The following PRSS23 variants were observed in gnomAD, a reference collection of about 807,000 sequenced individuals.
The protein encoded by PRSS23 is serine protease 23, also known as protease, serine 23.
A neutral mutation model predicts 34.7 loss-of-function variants in PRSS23; 25 were observed. The ratio of observed to expected loss-of-function variants is 0.72; its 90% CI spans 0.53 to 1.01. The LOEUF is 1.01. Ranked by LOEUF, PRSS23 falls within the 50% of genes least tolerant of loss-of-function variation. The pLI, the probability that PRSS23 is intolerant of heterozygous loss-of-function variation, is 0.00. For synonymous variants in PRSS23, 176 were observed against 186.6 expected (o/e 0.94, Z 0.46); for missense variants, 445 against 475.6 (o/e 0.94, Z 0.60).
At chr11:86,912,855 T>G (rs1948986607) in intron 2 of PRSS23, among the ~76,000 whole-genome samples, 1 of 152,222 alleles carries the variant, frequency 6.6e-6, no homozygotes, top group Non-Finnish European at 1.5e-5. Context: ...TTGGACATTG[T>G]GAGTGATATG....
intron 2 of PRSS23, among the ~76,000 whole-genome samples, chr11:86,853,124 G>C (rs879650236): frequency 3.4e-4 from 51 of 151,742 alleles, no homozygotes; most frequent in Non-Finnish European, 6.9e-4. Context: ...AAAGTACTGG[G>C]GTTACAGGTG....
chr11:86,801,569 G>A (rs1330385983), intron 1 of PRSS23, among the ~76,000 whole-genome samples: 1 of 152,216 alleles, frequency 6.6e-6, no homozygotes, highest in Non-Finnish European at 1.5e-5. Flanking sequence ...GGAACAGGTA[G>A]GCCAGTGCCA....
chr11:86,859,876 G>C (rs1948600786), intron 2 of PRSS23, among the ~76,000 whole-genome samples: 1 of 151,886 alleles, frequency 6.6e-6, no homozygotes, highest in African/African-American at 2.4e-5. Context: ...AATATCCATG[G>C]GGGAGAGGAT....
At chr11:86,796,946 C>T (rs185672042), upstream of PRSS23, among the ~76,000 whole-genome samples, 49 of 152,376 alleles carry the variant, frequency 3.2e-4, 2 homozygotes, top group African/African-American at 1.0e-3. Context: ...TGTTCTCTAG[C>T]TCATGTCTGT....
chr11:86,837,706 A>C (rs1477704658), intron 2 of PRSS23: 3 of 152,242 alleles, frequency 2.0e-5, no homozygotes, highest in Non-Finnish European at 4.4e-5. Flanking sequence ...TGCAGAGGCT[A>C]CAGTGAGCCA....
downstream of PRSS23, among the ~76,000 whole-genome samples, chr11:86,814,660 T>C (rs1948202929): frequency 6.6e-6 from 1 of 152,218 alleles, no homozygotes; most frequent in Non-Finnish European, 1.5e-5. Flanking sequence ...TGTGTGTCTC[T>C]GTGCACCCAC....
chr11:86,847,209 G>A (rs746994908), intron 2 of PRSS23, among the ~76,000 whole-genome samples: 27 of 152,134 alleles, frequency 1.8e-4, no homozygotes, highest in South Asian at 4.1e-4. Flanking sequence ...CCCCCTTTAA[G>A]CTTACTAAGC....
chr11:86,815,203 G>C (rs780816361), downstream of PRSS23, among the ~76,000 whole-genome samples: 1 of 152,200 alleles, frequency 6.6e-6, no homozygotes, highest in Non-Finnish European at 1.5e-5. Flanking sequence ...TCTCAGGATG[G>C]CCTTCCCTGG....
At chr11:86,824,118 G>A (rs1948277699) in intron 2 of PRSS23, among the ~76,000 whole-genome samples, 2 of 151,044 alleles carry the variant, frequency 1.3e-5, no homozygotes, top group African/African-American at 4.9e-5. Flanking sequence ...ATTCAGCCTG[G>A]GCAACATAGT....
intron 2 of PRSS23, among the ~76,000 whole-genome samples, chr11:86,897,465 C>T (rs1010299260): frequency 1.3e-5 from 2 of 152,070 alleles, no homozygotes; most frequent in Non-Finnish European, 2.9e-5. Context: ...TATAGTAACT[C>T]TTTATTTATT....
rs571121703 is a variant in PRSS23 at position 86,914,177 on chromosome 11, G to T, written c.207-37039G>T. The stretch of plus-strand genomic sequence containing the variant: ...GGAGACAGAGGTTGCAGCAAGCCGA[G>T]ATCGTGCCACTACACTCCAGCCTGG... On this transcript the variant is annotated intron_variant, in intron 2 of 2. Coordinates refer to the PRSS23 transcript ENST00000533902. Among the ~76,000 whole-genome samples, 73 of 152,156 alleles carry T rather than the reference G, an allele frequency of 4.8e-4. 1 individual carries two copies. The highest frequency in any genetic ancestry group is 2.3e-3 in the South Asian group (11 of 4,822).
rs546499304 is a variant in PRSS23 at position 86,900,078 on chromosome 11, T to C, written c.207-51138T>C. 4.6e-5 allele frequency among the ~76,000 whole-genome samples: 7 copies of C among 152,336 alleles called. No individual in the cohort carries two copies. In the East Asian group the frequency reaches 1.3e-3, roughly 29 times the overall value. The stretch of plus-strand genomic sequence containing the variant: ...CTAAATGCCTCTTTGAAAATAGAGA[T>C]GTTTCTGAGTCAATGGACCTGAAGG... On this transcript the variant is annotated intron_variant, in intron 2 of 2. Coordinates refer to the PRSS23 transcript ENST00000533902.
At chr11:86,930,158 GA>G (rs989528985) in intron 2 of PRSS23, among the ~76,000 whole-genome samples, 17 of 146,768 alleles carry the variant, frequency 1.2e-4, no homozygotes, top group Non-Finnish European at 1.9e-4. Flanking sequence ...AATATCTGGG[GA>G]AAAAAACTGA....
intron 1 of PRSS23, among the ~76,000 whole-genome samples, chr11:86,806,422 C>T (rs1266343026): frequency 6.6e-6 from 1 of 152,212 alleles, no homozygotes; most frequent in African/African-American, 2.4e-5. Flanking sequence ...ATTTAAATTA[C>T]ATAGCTTACT....
At chr11:86,882,977 AC>A (rs1311670192) in intron 2 of PRSS23, among the ~76,000 whole-genome samples, 1 of 151,758 alleles carries the variant, frequency 6.6e-6, no homozygotes, top group Non-Finnish European at 1.5e-5. Flanking sequence ...TTTTTCATAC[AC>A]TTTTTGGCCA....
chr11:86,884,368 C>T (rs138432640), intron 2 of PRSS23, among the ~76,000 whole-genome samples: 1 of 152,152 alleles, frequency 6.6e-6, no homozygotes, highest in Non-Finnish European at 1.5e-5. Context: ...GGTGCGATCT[C>T]GGCTCACTGC....
chr11:86,847,341 C>G (rs935679741), intron 2 of PRSS23, among the ~76,000 whole-genome samples: 2 of 152,228 alleles, frequency 1.3e-5, no homozygotes, highest in African/African-American at 2.4e-5. Context: ...CACCCTGGAA[C>G]AGGTTGGATG....
chr11:86,805,275 G>A (rs767137280), intron 1 of PRSS23, among the ~76,000 whole-genome samples: 6 of 152,080 alleles, frequency 3.9e-5, no homozygotes, highest in Non-Finnish European at 8.8e-5. Context: ...CAGTAGGTGG[G>A]AATAATCAGA....
At chr11:86,895,416 A>ATAT (rs1948867576) in intron 2 of PRSS23, among the ~76,000 whole-genome samples, 1 of 151,884 alleles carries the variant, frequency 6.6e-6, no homozygotes, top group East Asian at 1.9e-4. Flanking sequence ...GCATTCATTA[A>ATAT]TATTAGAATA....
Sources: allele counts gnomAD v4.1 joint callset (sites outside exome capture counted in the v4.1 genomes callset), GRCh38; gene constraint gnomAD v4.1.1; transcripts MANE v1.5; gene names NCBI Gene and HGNC (gene_info 2026-07-23, HGNC 2026-07-21).